CSRNP3: variants seen among roughly 807,000 people sequenced by gnomAD.
CSRNP3 encodes the protein cysteine/serine-rich nuclear protein 3.
Under a neutral mutation model 48.0 loss-of-function variants are expected in CSRNP3, and 12 were observed. The observed-to-expected ratio is 0.25, with a 90% CI of 0.16 to 0.41. CSRNP3 has a LOEUF of 0.41. CSRNP3 is among the 10% of genes least tolerant of loss of function. The pLI, the probability that CSRNP3 is intolerant of heterozygous loss-of-function variation, is 1.00. For missense variants in CSRNP3, 580 were observed against 724.4 expected (o/e 0.80, Z 2.29); for synonymous variants, 263 against 269.7 (o/e 0.98, Z 0.24).
chr2:165,577,664 T>A (rs888319094), intron 3 of CSRNP3, among the ~76,000 whole-genome samples: 7 of 151,786 alleles, frequency 4.6e-5, no homozygotes, highest in Admixed American at 6.6e-5. Context: ...AAATAGCCTC[T>A]TACTATTATA....
At chr2:165,610,456 T>C (rs989514403) in intron 4 of CSRNP3, among the ~76,000 whole-genome samples, 1 of 152,220 alleles carries the variant, frequency 6.6e-6, no homozygotes, top group African/African-American at 2.4e-5. Flanking sequence ...ACTAACTCTT[T>C]TATGCGTAAA....
intron 1 of CSRNP3, among the ~76,000 whole-genome samples, chr2:165,475,343 T>G (rs1039544566): frequency 3.3e-5 from 5 of 152,154 alleles, no homozygotes; most frequent in African/African-American, 1.2e-4. Context: ...TGAACTTACC[T>G]AGAGCTGAGT....
chr2:165,679,809 T>C lies in CSRNP3; in HGVS notation c.*56T>C. On this transcript the variant is annotated 3_prime_UTR_variant, in exon 7 of 7. Transcript: ENST00000651982. ...TCTTATTTAAGGCACTGTATTTAAT[T>C]GGATTTCCTGGGCTCATCATTGTTT... 11 of 1,547,214 alleles carry C rather than the reference T, an allele frequency of 7.1e-6. No individual in the cohort carries two copies. The highest frequency in any genetic ancestry group is 8.7e-6 in the Non-Finnish European group (10 of 1,147,688).
At chr2:165,652,175 T>A (rs1238349513) in intron 4 of CSRNP3, among the ~76,000 whole-genome samples, 1 of 152,132 alleles carries the variant, frequency 6.6e-6, no homozygotes, top group African/African-American at 2.4e-5. Flanking sequence ...TTCAGGCTGG[T>A]ATTATGTTGG....
rs1335337685 is a variant in CSRNP3, at chr2:165,681,294, A to G, written c.*1541A>G. On this transcript the variant is annotated 3_prime_UTR_variant, in exon 7 of 7. Coordinates refer to ENST00000651982, the MANE Select transcript of CSRNP3 (RefSeq NM_001172173.2). Reference sequence around the variant, plus strand: ...ATTGTTATATCACTTCACATGTTTTATAACTATTTGAAATGCGGACATGAC... The same window carrying G: ...ATTGTTATATCACTTCACATGTTTTGTAACTATTTGAAATGCGGACATGAC... 1 of 151,972 alleles carries G rather than the reference A, an allele frequency of 6.6e-6. No homozygotes were observed. The highest frequency in any genetic ancestry group is 2.4e-5 in the African/African-American group (1 of 41,374). The allele number at this position is 151,972 out of a possible 1,614,324, so 9.4% of individuals were successfully genotyped here.
At chr2:165,519,553 A>G (rs541358469) in intron 3 of CSRNP3, among the ~76,000 whole-genome samples, 1 of 152,324 alleles carries the variant, frequency 6.6e-6, no homozygotes. Context: ...TTAAAATAGT[A>G]AACTTCTTAT....
chr2:165,666,996 A>AGC (rs1687235414), intron 5 of CSRNP3, among the ~76,000 whole-genome samples: 1 of 21,834 alleles, frequency 4.6e-5, no homozygotes, highest in African/African-American at 8.8e-5. Context: ...AGAAAGAAAG[A>AGC]GAGAGAGAGG....
chr2:165,598,462 A>T (rs1685847375), intron 4 of CSRNP3, among the ~76,000 whole-genome samples: 1 of 152,204 alleles, frequency 6.6e-6, no homozygotes, highest in Non-Finnish European at 1.5e-5. Flanking sequence ...TGTTAATTTT[A>T]TATGTATTCT....
At position 165,608,934 on chromosome 2, in the gene CSRNP3, CAAAAAA is replaced by C. The variant is rs33952227; in HGVS notation, c.148+13739_148+13744del. Among the ~76,000 whole-genome samples, 10 of 75,590 alleles carry C rather than the reference CAAAAAA, an allele frequency of 1.3e-4. No individual in the cohort carries two copies. In the Admixed American group the frequency reaches 1.7e-3, roughly 13 times the overall value. 49.6% of individuals were successfully genotyped at this position (75,590 alleles called of 152,430 possible). On this transcript the variant is annotated intron_variant, in intron 4 of 6. Transcript: ENST00000651982. ...TGAAACCCCGTCTCTACTAAAAATA[CAAAAAA>C]AAAAAAAAAAAAAAAAATTAGCTGG...
intron 3 of CSRNP3, among the ~76,000 whole-genome samples, chr2:165,532,613 G>A (rs1372268690): frequency 6.6e-6 from 1 of 150,876 alleles, no homozygotes. Flanking sequence ...ATACTGAATG[G>A]GCAAAAACTG....
At chr2:165,477,505 A>G (rs1238694943) in intron 1 of CSRNP3, among the ~76,000 whole-genome samples, 1 of 60,552 alleles carries the variant, frequency 1.7e-5, no homozygotes, top group Non-Finnish European at 3.3e-5. Context: ...TATAATACAA[A>G]TATATATATA....
chr2:165,625,857 C>CA (rs1251496353), intron 4 of CSRNP3, among the ~76,000 whole-genome samples: 1 of 135,314 alleles, frequency 7.4e-6, no homozygotes, highest in African/African-American at 2.8e-5. Context: ...CGCGTGAACT[C>CA]GGGGCAGAGG....
intron 4 of CSRNP3, among the ~76,000 whole-genome samples, chr2:165,652,704 G>A (rs1374823495): frequency 1.3e-5 from 2 of 151,842 alleles, no homozygotes; most frequent in African/African-American, 4.8e-5. Context: ...CACCACACCT[G>A]GCTAAGTTTT....
intron 4 of CSRNP3, among the ~76,000 whole-genome samples, chr2:165,637,908 G>A (rs1366714060): frequency 6.6e-6 from 1 of 152,074 alleles, no homozygotes; most frequent in Non-Finnish European, 1.5e-5. Flanking sequence ...TTTTTAAAAT[G>A]TACTATTATA....
Position 165,557,855 on chromosome 2 carries a change from G to A in CSRNP3, c.-23-37188G>A, listed in dbSNP as rs1023075727. 3.3e-5 allele frequency among the ~76,000 whole-genome samples: 5 copies of A among 152,298 alleles called. 1 individual carries two copies. ...ATTTAATTCTCTTACTATGTAGCCTGCATTTATTAAAGTTTGATGTTATGT... is the reference window on the plus strand; with the variant it reads ...ATTTAATTCTCTTACTATGTAGCCTACATTTATTAAAGTTTGATGTTATGT... On this transcript the variant is annotated intron_variant, in intron 3 of 6. Transcript: ENST00000651982.
intron 4 of CSRNP3, among the ~76,000 whole-genome samples, chr2:165,622,571 A>T (rs779392209): frequency 1.7e-4 from 26 of 152,194 alleles, no homozygotes; most frequent in Non-Finnish European, 1.2e-4. Context: ...AGAACTCATG[A>T]TTCTTCTATC....
intron 3 of CSRNP3, among the ~76,000 whole-genome samples, chr2:165,533,319 C>T (rs1008378838): frequency 1.3e-5 from 2 of 152,162 alleles, no homozygotes; most frequent in Admixed American, 6.5e-5. Flanking sequence ...AGAATAACTA[C>T]TCATTTCCAA....
intron 3 of CSRNP3, among the ~76,000 whole-genome samples, chr2:165,529,953 T>C (rs1321345889): frequency 6.6e-6 from 1 of 152,118 alleles, no homozygotes; most frequent in Non-Finnish European, 1.5e-5. Context: ...AAATGGAAAG[T>C]AATAGAGAAG....
At chr2:165,556,896 C>T (rs997280697) in intron 3 of CSRNP3, among the ~76,000 whole-genome samples, 2 of 152,072 alleles carry the variant, frequency 1.3e-5, no homozygotes, top group Non-Finnish European at 2.9e-5. Flanking sequence ...CTGAAATTAC[C>T]CAATAGTTGT....
Sources: allele counts gnomAD v4.1 joint callset (sites outside exome capture counted in the v4.1 genomes callset), GRCh38; gene constraint gnomAD v4.1.1; transcripts MANE v1.5; gene names NCBI Gene and HGNC (gene_info 2026-07-23, HGNC 2026-07-21).